The following PHACTR2 variants were observed in gnomAD, a reference collection of about 807,000 sequenced individuals.
PHACTR2 encodes chromosome 6 open reading frame 56.
Under a neutral mutation model 76.0 loss-of-function variants are expected in PHACTR2, and 30 were observed. That is an observed-to-expected ratio of 0.39 (90% CI 0.30 to 0.54). The LOEUF is 0.54. Ranked by LOEUF, PHACTR2 falls within the 20% of genes least tolerant of loss-of-function variation. PHACTR2 has a pLI of 0.61. For synonymous variants in PHACTR2, 292 were observed against 292.5 expected, an observed-to-expected ratio of 1.00 and a Z score of 0.02; for missense variants, 696 against 781.1, an observed-to-expected ratio of 0.89 and a Z score of 1.30.
chr6:143,552,989 TC>T (rs1385976716), intron 1 of PHACTR2, among the ~76,000 whole-genome samples: 1 of 151,836 alleles, frequency 6.6e-6, no homozygotes, highest in Non-Finnish European at 1.5e-5. Context: ...ATCTCTGATG[TC>T]CAGCTGCCTG....
At position 143,698,908 on chromosome 6, in the gene PHACTR2, A is replaced by C. The variant is rs1582784304; in HGVS notation, c.47-13108A>C. ...TCCTCCTCTCCCTTGGATTGTCCGA[A>C]CCCTGGGTCTCCTTGGCAACACTGT... is the stretch of plus-strand genomic sequence containing the variant. On this transcript the variant is annotated intron_variant, in intron 1 of 12. Coordinates refer to ENST00000440869, the MANE Select transcript of PHACTR2 (RefSeq NM_001100164.2). This position sits in a 1 kb window ranked among gnomAD's most constrained non-coding sequence, Gnocchi z 4.3. Among the ~76,000 whole-genome samples, 1 of 152,102 alleles carries C rather than the reference A, an allele frequency of 6.6e-6. No individual in the cohort carries two copies. The highest frequency in any genetic ancestry group is 6.5e-5 in the Admixed American group (1 of 15,278).
At chr6:143,584,218 T>C (rs1186471785) in intron 1 of PHACTR2, among the ~76,000 whole-genome samples, 1 of 152,222 alleles carries the variant, frequency 6.6e-6, no homozygotes, top group Non-Finnish European at 1.5e-5. Flanking sequence ...CTTGGGGCTG[T>C]GGTTGTACTT....
In PHACTR2 at chr6:143,757,395, T is replaced by C. The variant is rs896199137; in HGVS notation, c.455-3006T>C. 2.6e-5 allele frequency among the ~76,000 whole-genome samples: 4 copies of C among 152,128 alleles called. No homozygotes were observed. Among genetic ancestry groups the C allele is most frequent in the East Asian group, 3.9e-4 (2 of 5,194 alleles). On this transcript the variant is annotated intron_variant, in intron 4 of 12. Transcript: ENST00000440869. The surrounding 1 kb of genome is among the most constrained non-coding windows in gnomAD (Gnocchi z 4.2). ...CAACATTGGTTCTCAGAGGAAGATA[T>C]TTATGAACTAAGACATGAAGGAAAC...
intron 1 of PHACTR2, among the ~76,000 whole-genome samples, chr6:143,552,166 C>A (rs544563141): frequency 6.6e-6 from 1 of 151,804 alleles, no homozygotes; most frequent in East Asian, 1.9e-4. Context: ...TTTGTAGTCA[C>A]CTGAAAATAG....
chr6:143,670,575 T>C (rs7748882), intron 1 of PHACTR2, among the ~76,000 whole-genome samples: 50,032 of 151,916 alleles, frequency 0.33, 10,442 homozygotes, highest in African/African-American at 0.6. Flanking sequence ...TTGGTCTTCA[T>C]GCTTTGTTTC....
Position 143,678,028 on chromosome 6 carries a change from A to C in PHACTR2, c.-136A>C. On this transcript the variant is annotated 5_prime_UTR_variant, in exon 1 of 13. Coordinates refer to ENST00000440869, the MANE Select transcript of PHACTR2 (RefSeq NM_001100164.2). The surrounding 1 kb of genome is among the most constrained non-coding windows in gnomAD (Gnocchi z 6.2). ...CCGGGCTGGGAGACCCGCGCGGGGT[A>C]GAAGGTGAGGGGACCCGGCGGGCCG... is the stretch of plus-strand genomic sequence containing the variant. 1.3e-6 allele frequency: 2 copies of C among 1,499,126 alleles called. No homozygotes were observed. The highest frequency in any genetic ancestry group is 8.9e-7 in the Non-Finnish European group (1 of 1,119,008). 92.9% of individuals were successfully genotyped at this position (1,499,126 alleles called of 1,614,324 possible).
rs1776059856 is a variant in PHACTR2, at chr6:143,616,429, C to T, written c.13+8107C>T. ...TCTGTTATTTTCCATGTATCCTCTA[C>T]ATCTACCAGTCTGTTCCACGTCTGT... On this transcript the variant is annotated intron_variant, in intron 1 of 11. Coordinates refer to the PHACTR2 transcript ENST00000305766. This position sits in a 1 kb window ranked among gnomAD's most constrained non-coding sequence, Gnocchi z 4.9. Among the ~76,000 whole-genome samples, 1 of 152,182 alleles carries T rather than the reference C, an allele frequency of 6.6e-6. No individual in the cohort carries two copies. The highest frequency in any genetic ancestry group is 2.4e-5 in the African/African-American group (1 of 41,440).
In PHACTR2 at chr6:143,761,627, A is replaced by T. The variant is rs1562296906; in HGVS notation, c.694+987A>T. Among the ~76,000 whole-genome samples, 1 of 151,778 alleles carries T rather than the reference A, an allele frequency of 6.6e-6. No homozygotes were observed. Among genetic ancestry groups the T allele is most frequent in the Non-Finnish European group, 1.5e-5 (1 of 67,934 alleles). ...GAATTAGCCAGGCGTCGTGGCGTGCACCTCTAATCCCAGCTACTCAGGAGG... is the reference window on the plus strand; with the variant it reads ...GAATTAGCCAGGCGTCGTGGCGTGCTCCTCTAATCCCAGCTACTCAGGAGG... On this transcript the variant is annotated intron_variant, in intron 5 of 12. Coordinates refer to ENST00000440869, the MANE Select transcript of PHACTR2 (RefSeq NM_001100164.2). This position sits in a 1 kb window ranked among gnomAD's most constrained non-coding sequence, Gnocchi z 5.2.
intron 2 of PHACTR2, among the ~76,000 whole-genome samples, chr6:143,728,216 C>CTTTTTTTTTTTTTTTTTTTTTTTTTTT (rs548709835): frequency 1.2e-5 from 1 of 83,744 alleles, no homozygotes; most frequent in Non-Finnish European, 2.2e-5. Flanking sequence ...TTTTTTCTTT[C>CTTTTTTTTTTTTTTTTTTTTTTTTTTT]TTTTTTTTTT....
chr6:143,670,139 G>T (rs1777125907), intron 1 of PHACTR2, among the ~76,000 whole-genome samples: 1 of 152,170 alleles, frequency 6.6e-6, no homozygotes, highest in Non-Finnish European at 1.5e-5. Context: ...ATTCTGGGTT[G>T]AAAATTCTTT....
At chr6:143,813,589 GC>G (rs1562316979) in intron 12 of PHACTR2, among the ~76,000 whole-genome samples, 1 of 133,150 alleles carries the variant, frequency 7.5e-6, no homozygotes, top group Admixed American at 8.7e-5. Context: ...CTGCACTCCA[GC>G]CTGGGCAACA....
At chr6:143,796,948 G>C (rs1344134413) in intron 11 of PHACTR2, among the ~76,000 whole-genome samples, 1 of 152,156 alleles carries the variant, frequency 6.6e-6, no homozygotes, top group Non-Finnish European at 1.5e-5. Context: ...GCTGGGTCAA[G>C]TGGTATTTCT....
chr6:143,544,276 T>C (rs1781201092), intron 1 of PHACTR2, among the ~76,000 whole-genome samples: 1 of 118,962 alleles, frequency 8.4e-6, no homozygotes, highest in South Asian at 2.6e-4. Context: ...GCGGGCAGGC[T>C]CCCATATCAA....
intron 1 of PHACTR2, among the ~76,000 whole-genome samples, chr6:143,704,095 C>CTGTGTGTGTGTGTGTCTG (rs71024872): frequency 0.011 from 1,652 of 144,130 alleles, 12 homozygotes; most frequent in East Asian, 0.024. Context: ...GTGTGTGTGT[C>CTGTGTGTGTGTGTGTCTG]TGTGTGTGTG....
intron 1 of PHACTR2, among the ~76,000 whole-genome samples, chr6:143,706,115 G>A (rs1582792684): frequency 2.6e-5 from 4 of 152,264 alleles, no homozygotes; most frequent in Admixed American, 2.6e-4. Context: ...AAACTCTTGA[G>A]TGGGCTCCTC....
rs1775150006 is a variant in PHACTR2 at position 143,554,871 on chromosome 6, T to A, written c.217+17664T>A. On this transcript the variant is annotated intron_variant, in intron 1 of 11. Transcript: ENST00000367584. The surrounding 1 kb of genome is among the most constrained non-coding windows in gnomAD (Gnocchi z 5.9). Reference sequence around the variant, plus strand: ...TTCTCTGTGGTCTTCCCAGTACATATCCTTTGCCCTTTGTTCCTGTTGCAT... The same window carrying A: ...TTCTCTGTGGTCTTCCCAGTACATAACCTTTGCCCTTTGTTCCTGTTGCAT... 1 of 152,244 alleles carries A rather than the reference T, an allele frequency of 6.6e-6. No individual in the cohort carries two copies. Among genetic ancestry groups the A allele is most frequent in the South Asian group, 2.1e-4 (1 of 4,830 alleles). The allele number at this position is 152,244 out of a possible 1,614,324, so 9.4% of individuals were successfully genotyped here. A position where few individuals can be genotyped will look rare whatever the true frequency, so the allele number is the denominator to read the frequency against.
At chr6:143,601,295 G>A (rs529662574) in intron 1 of PHACTR2, among the ~76,000 whole-genome samples, 11 of 152,280 alleles carry the variant, frequency 7.2e-5, no homozygotes, top group South Asian at 6.2e-4. Flanking sequence ...AAAAAAGGCC[G>A]TCTTGGGATG....
At chr6:143,799,551 C>T (rs936408719) in intron 11 of PHACTR2, among the ~76,000 whole-genome samples, 1 of 152,240 alleles carries the variant, frequency 6.6e-6, no homozygotes, top group Non-Finnish European at 1.5e-5. Flanking sequence ...CTACACACTG[C>T]TTTAGCTGTG....
intron 1 of PHACTR2, among the ~76,000 whole-genome samples, chr6:143,681,126 G>A (rs1412408641): frequency 6.6e-6 from 1 of 152,132 alleles, no homozygotes; most frequent in Non-Finnish European, 1.5e-5. Context: ...TTTAGTAGTG[G>A]AATTGCTAGA....
Sources: allele counts gnomAD v4.1 joint callset (sites outside exome capture counted in the v4.1 genomes callset), GRCh38; gene constraint gnomAD v4.1.1; non-coding constraint Gnocchi (gnomAD v3.1); transcripts MANE v1.5; gene names NCBI Gene and HGNC (gene_info 2026-07-23, HGNC 2026-07-21).